Variants in DGKB observed in about 807,000 individuals in gnomAD.
DGKB encodes the protein 90 kDa diacylglycerol kinase.
Under a neutral mutation model 114.3 loss-of-function variants are expected in DGKB, and 67 were observed. The observed-to-expected ratio is 0.59, with a 90% CI of 0.48 to 0.72. DGKB has a LOEUF of 0.72. Among genes scored for constraint, DGKB ranks in the 30% least tolerant of loss-of-function variants. The probability of loss-of-function intolerance (pLI) is 0.00; values close to 1 mark genes in which losing one functional copy is unlikely to be tolerated. For synonymous variants in DGKB, 398 were observed against 323.1 expected (o/e 1.23, Z -2.49); for missense variants, 907 against 975.2 (o/e 0.93, Z 0.93).
chr7:14,750,663 G>T (rs1254071370), intron 4 of DGKB, among the ~76,000 whole-genome samples: 4 of 151,796 alleles, frequency 2.6e-5, no homozygotes, highest in Admixed American at 1.3e-4. Flanking sequence ...CTAAAAATAT[G>T]ATTTATAATT....
rs575697061 is a variant in DGKB, at chr7:14,542,987, G to A, written c.1770+31225C>T. Among the ~76,000 whole-genome samples, 3 of 152,264 alleles carry A rather than the reference G, an allele frequency of 2.0e-5. No homozygotes were observed. In the East Asian group the frequency reaches 5.8e-4, roughly 29 times the overall value. ...ATTTTGAGATAAAGGGAAAGATATG[G>A]ATATGTCAGTGTGTGAGCTAGTGTT... On this transcript the variant is annotated intron_variant, in intron 20 of 25. Coordinates refer to ENST00000402815, the MANE Select transcript of DGKB (RefSeq NM_001350709.2).
At chr7:14,465,106 C>T (rs142204313) in intron 21 of DGKB, among the ~76,000 whole-genome samples, 2 of 152,246 alleles carry the variant, frequency 1.3e-5, no homozygotes, top group East Asian at 1.9e-4. Flanking sequence ...CAGAAAGAGG[C>T]ACCTCCTCCT....
intron 5 of DGKB, among the ~76,000 whole-genome samples, chr7:14,733,109 T>A (rs1831159969): frequency 6.6e-6 from 1 of 152,214 alleles, no homozygotes; most frequent in African/African-American, 2.4e-5. Flanking sequence ...AGAATCATTT[T>A]AAAATGTCCA....
In DGKB at chr7:14,146,532, A is replaced by G. The variant is rs1473700572; in HGVS notation, c.*2599T>C. 7 of 152,304 alleles carry G rather than the reference A, an allele frequency of 4.6e-5. No homozygotes were observed. The South Asian group carries it at 1.2e-3, about 27-fold the overall frequency. 9.4% of individuals were successfully genotyped at this position (152,304 alleles called of 1,614,324 possible). On this transcript the variant is annotated 3_prime_UTR_variant, in exon 26 of 26. Coordinates refer to ENST00000402815, the MANE Select transcript of DGKB (RefSeq NM_001350709.2). Reference sequence around the variant, plus strand: ...ACAACATTCATCATTCAATATTTTAATATACTATAGAATTTTCCTTAAACT... The same window carrying G: ...ACAACATTCATCATTCAATATTTTAGTATACTATAGAATTTTCCTTAAACT...
chr7:14,393,460 T>C (rs533757106), intron 21 of DGKB, among the ~76,000 whole-genome samples: 48 of 152,328 alleles, frequency 3.2e-4, no homozygotes, highest in African/African-American at 1.0e-3. Context: ...TTTAATGTTA[T>C]TAATGCATAC....
chr7:14,336,613 A>G lies in DGKB; in HGVS notation c.2122+1902T>C, dbSNP rs1048811125. 3.3e-5 allele frequency among the ~76,000 whole-genome samples: 5 copies of G among 152,312 alleles called. No individual in the cohort carries two copies. In the South Asian group the frequency reaches 8.3e-4, roughly 25 times the overall value. ...AATAGTTCCACAGTAGAAAGCAAGA[A>G]GACAGAAAGGAAAGAGAGCGCTTTT... On this transcript the variant is annotated intron_variant, in intron 23 of 25. Coordinates refer to ENST00000402815, the MANE Select transcript of DGKB (RefSeq NM_001350709.2).
At chr7:14,236,461 A>G (rs1023439202) in intron 23 of DGKB, among the ~76,000 whole-genome samples, 12 of 152,072 alleles carry the variant, frequency 7.9e-5, no homozygotes, top group Admixed American at 5.9e-4. Context: ...ATAACACTAA[A>G]GAAGAAAAAA....
chr7:14,286,122 C>G (rs1800826609), intron 23 of DGKB, among the ~76,000 whole-genome samples: 1 of 152,096 alleles, frequency 6.6e-6, no homozygotes, highest in Non-Finnish European at 1.5e-5. Flanking sequence ...TACAACCAAG[C>G]ATTCTCCTCA....
intron 2 of DGKB, among the ~76,000 whole-genome samples, chr7:14,786,273 T>C (rs558466394): frequency 6.6e-6 from 1 of 152,352 alleles, no homozygotes; most frequent in Admixed American, 6.5e-5. Flanking sequence ...TATAATCGGT[T>C]GAATGTGTGC....
chr7:14,718,055 C>A (rs952554745), intron 6 of DGKB, among the ~76,000 whole-genome samples: 1 of 152,124 alleles, frequency 6.6e-6, no homozygotes, highest in Non-Finnish European at 1.5e-5. Flanking sequence ...CTATAAATGA[C>A]ACTTTCAGGT....
intron 1 of DGKB, among the ~76,000 whole-genome samples, chr7:14,937,606 T>C (rs1255858647): frequency 6.6e-6 from 1 of 152,180 alleles, no homozygotes; most frequent in Non-Finnish European, 1.5e-5. Flanking sequence ...GAAATATGTA[T>C]GTGTTTCTTG....
intron 5 of DGKB, 112 bp downstream of exon 5, chr7:14,735,929 C>G: frequency 1.6e-6 from 1 of 631,612 alleles, no homozygotes; most frequent in Non-Finnish European, 2.5e-6. Flanking sequence ...AAGTCTAAAC[C>G]CTGTAACAAA....
chr7:14,678,185 G>T (rs1379566413), intron 12 of DGKB, among the ~76,000 whole-genome samples: 1 of 151,992 alleles, frequency 6.6e-6, no homozygotes, highest in Non-Finnish European at 1.5e-5. Flanking sequence ...TCAGTACTTT[G>T]TCAAGAACTT....
At chr7:14,344,137 T>C (rs1812091709) in intron 22 of DGKB, among the ~76,000 whole-genome samples, 1 of 150,900 alleles carries the variant, frequency 6.6e-6, no homozygotes, top group Admixed American at 6.6e-5. Context: ...TACACAGATA[T>C]ATCATCCTAA....
intron 21 of DGKB, among the ~76,000 whole-genome samples, chr7:14,366,409 T>G (rs1448652815): frequency 6.6e-6 from 1 of 152,020 alleles, no homozygotes; most frequent in Admixed American, 6.6e-5. Context: ...GATGAGTGGG[T>G]TTTAACCCTC....
chr7:14,839,277 A>G (rs1303387008), intron 2 of DGKB, among the ~76,000 whole-genome samples: 1 of 152,200 alleles, frequency 6.6e-6, no homozygotes, highest in Non-Finnish European at 1.5e-5. Context: ...AGCAAAGAGC[A>G]GAGCATATGG....
intron 25 of DGKB, among the ~76,000 whole-genome samples, chr7:14,149,845 T>C (rs1254311942): frequency 2.0e-5 from 3 of 152,118 alleles, no homozygotes; most frequent in Admixed American, 2.0e-4. Flanking sequence ...TATAATAGAA[T>C]CAAATATTGA....
In DGKB at chr7:14,617,939, T is replaced by C. The variant is rs73680496; in HGVS notation, c.1284+3439A>G. Among the ~76,000 whole-genome samples, 529 of 151,794 alleles carry C rather than the reference T, an allele frequency of 3.5e-3. 2 individuals are homozygous for C. Among genetic ancestry groups the C allele is most frequent in the African/African-American group, 0.012 (489 of 41,526 alleles). ...ATCTTTCTTATCTTACTCAGCTCTA[T>C]TTTTACATCATTTATTATCTACCAT... On this transcript the variant is annotated intron_variant, in intron 15 of 25. Coordinates refer to ENST00000402815, the MANE Select transcript of DGKB (RefSeq NM_001350709.2).
chr7:14,858,237 G>T (rs1850467048), intron 1 of DGKB, among the ~76,000 whole-genome samples: 1 of 152,104 alleles, frequency 6.6e-6, no homozygotes, highest in Admixed American at 6.6e-5. Context: ...GCTGGAAACA[G>T]CCAGTATTTC....
Sources: gnomAD v4.1 joint callset for allele counts (sites outside exome capture counted in the v4.1 genomes callset) on GRCh38, gnomAD v4.1.1 for gene constraint, MANE v1.5 for transcripts, NCBI Gene and HGNC (gene_info 2026-07-23, HGNC 2026-07-21) for gene names.